The following LRP1B variants were observed in gnomAD, a reference collection of about 807,000 sequenced individuals.
LRP1B encodes the protein low-density lipoprotein receptor-related protein 1B.
LRP1B carries 217 observed loss-of-function variants against 556.6 expected under a neutral mutation model. The observed-to-expected ratio is 0.39, with a 90% confidence interval of 0.35 to 0.44. The LOEUF (loss-of-function observed/expected upper bound fraction) is 0.44, where lower values mean the gene tolerates loss of function less well. LRP1B is among the 20% of genes least tolerant of loss of function. LRP1B has a pLI of 1.00. For synonymous variants in LRP1B, 2,047 were observed against 1,865.8 expected, an observed-to-expected ratio of 1.10 and a Z score of -2.50; for missense variants, 5,053 against 5,620.8, an observed-to-expected ratio of 0.90 and a Z score of 3.23.
At chr2:141,265,242 C>T (rs555391431) in intron 3 of LRP1B, among the ~76,000 whole-genome samples, 4 of 152,320 alleles carry the variant, frequency 2.6e-5, no homozygotes, top group South Asian at 4.1e-4. Context: ...AGGACACACA[C>T]CCAGGGTGCC....
intron 21 of LRP1B, among the ~76,000 whole-genome samples, chr2:140,911,009 G>C (rs1694402514): frequency 6.6e-6 from 1 of 151,760 alleles, no homozygotes; most frequent in East Asian, 1.9e-4. Flanking sequence ...GGAAAGGAAA[G>C]TAACAATTTA....
intron 60 of LRP1B, among the ~76,000 whole-genome samples, chr2:140,466,322 C>T (rs1687547671): frequency 6.6e-6 from 1 of 152,064 alleles, no homozygotes; most frequent in African/African-American, 2.4e-5. Context: ...GATCTAGATT[C>T]CTTTTTCCAA....
chr2:140,809,145 TTTG>T (rs1690829203), intron 32 of LRP1B, among the ~76,000 whole-genome samples: 1 of 152,192 alleles, frequency 6.6e-6, no homozygotes, highest in South Asian at 2.1e-4. Flanking sequence ...TGTAGAGATT[TTTG>T]TTGTTGTTTT....
At chr2:140,762,436 CTGTGA>C (rs1013330375) in intron 35 of LRP1B, among the ~76,000 whole-genome samples, 2 of 152,078 alleles carry the variant, frequency 1.3e-5, no homozygotes, top group African/African-American at 4.8e-5. Context: ...AACTTTACTC[CTGTGA>C]TGTAGTAAGT....
chr2:140,712,091 C>T (rs1232403216), intron 37 of LRP1B, among the ~76,000 whole-genome samples: 2 of 152,108 alleles, frequency 1.3e-5, no homozygotes. Flanking sequence ...CTCACACAGA[C>T]AATTTTCTTT....
chr2:141,406,547 CATCTATCTATCTATCTATCTATCT>C (rs71982875), intron 3 of LRP1B, among the ~76,000 whole-genome samples: 4 of 149,206 alleles, frequency 2.7e-5, no homozygotes, highest in African/African-American at 9.9e-5. Context: ...ATCTATCTAT[CATCTATCTATCTATCTATCTATCT>C]ATCTATCTAT....
intron 2 of LRP1B, among the ~76,000 whole-genome samples, chr2:141,744,164 C>T (rs1693827441): frequency 6.6e-6 from 1 of 151,806 alleles, no homozygotes; most frequent in Non-Finnish European, 1.5e-5. Flanking sequence ...TCAGTGTATC[C>T]CATAGATTTT....
At chr2:140,922,832 A>G (rs1229128303) in intron 21 of LRP1B, 133 bp downstream of exon 21, 3 of 646,462 alleles carry the variant, frequency 4.6e-6, no homozygotes, top group African/African-American at 1.9e-5. Context: ...GTTAACTACT[A>G]TTATTATACA....
chr2:140,951,091 C>A (rs905559102), intron 19 of LRP1B, among the ~76,000 whole-genome samples: 3 of 152,028 alleles, frequency 2.0e-5, no homozygotes, highest in Non-Finnish European at 4.4e-5. Context: ...ATGATACAAC[C>A]AATAATATAA....
At chr2:141,159,299 T>A (rs1285439091) in intron 7 of LRP1B, among the ~76,000 whole-genome samples, 2 of 152,184 alleles carry the variant, frequency 1.3e-5, no homozygotes, top group Non-Finnish European at 2.9e-5. Context: ...AGGAAAGAAT[T>A]GGAAGGAAAA....
chr2:142,052,672 C>T (rs969665886), intron 1 of LRP1B, among the ~76,000 whole-genome samples: 1 of 151,996 alleles, frequency 6.6e-6, no homozygotes, highest in Admixed American at 6.6e-5. Context: ...ACTGTTTTTC[C>T]CTACCACTCT....
chr2:140,895,630 A>T (rs1359760849), intron 23 of LRP1B, among the ~76,000 whole-genome samples: 1 of 152,184 alleles, frequency 6.6e-6, no homozygotes, highest in Admixed American at 6.5e-5. Flanking sequence ...AACCCCCTGT[A>T]ACCTGAGCTC....
intron 2 of LRP1B, among the ~76,000 whole-genome samples, chr2:141,778,700 C>T (rs1415638682): frequency 6.6e-6 from 1 of 152,178 alleles, no homozygotes; most frequent in African/African-American, 2.4e-5. Context: ...TGCAGACACA[C>T]ATTATTTTGC....
chr2:141,169,659 A>G (rs1012762682), intron 7 of LRP1B, among the ~76,000 whole-genome samples: 1 of 152,034 alleles, frequency 6.6e-6, no homozygotes, highest in Non-Finnish European at 1.5e-5. Context: ...AGACTTCATC[A>G]CTTAATGTAT....
At chr2:141,325,993 C>A (rs1231868615) in intron 3 of LRP1B, among the ~76,000 whole-genome samples, 2 of 151,906 alleles carry the variant, frequency 1.3e-5, no homozygotes, top group Admixed American at 6.6e-5. Flanking sequence ...ATAAATAATC[C>A]TATTGCAAGG....
rs191935269 is a variant in LRP1B at position 142,100,866 on chromosome 2, C to A, written c.82+29782G>T. ...TTCTTCTTTTAAGGGCTCCTTGTCC[C>A]CACACACGTTTCCCCTTCCTTTTGC... is the stretch of plus-strand genomic sequence containing the variant. On this transcript the variant is annotated intron_variant, in intron 1 of 90. Transcript: ENST00000389484. Among the ~76,000 whole-genome samples, 406 of 151,954 alleles carry A rather than the reference C, an allele frequency of 2.7e-3. 2 individuals are homozygous for A. Among genetic ancestry groups the A allele is most frequent in the Middle Eastern group, 6.8e-3 (2 of 294 alleles).
At chr2:141,843,234 G>A (rs1357685042) in intron 1 of LRP1B, among the ~76,000 whole-genome samples, 2 of 152,084 alleles carry the variant, frequency 1.3e-5, no homozygotes, top group Non-Finnish European at 2.9e-5. Context: ...TGGCAAAGCT[G>A]GAGCAGTAAT....
intron 66 of LRP1B, among the ~76,000 whole-genome samples, chr2:140,399,176 CA>C (rs1684386395): frequency 2.0e-5 from 3 of 151,716 alleles, no homozygotes; most frequent in Non-Finnish European, 4.4e-5. Context: ...CACACACACA[CA>C]CACACACACA....
chr2:141,879,165 T>C (rs1308686048), intron 1 of LRP1B, among the ~76,000 whole-genome samples: 1 of 151,880 alleles, frequency 6.6e-6, no homozygotes, highest in African/African-American at 2.4e-5. Flanking sequence ...TACTTGTAAG[T>C]ATTCCTTATA....
Sources: gnomAD v4.1 joint callset for allele counts (sites outside exome capture counted in the v4.1 genomes callset) on GRCh38, gnomAD v4.1.1 for gene constraint, MANE v1.5 for transcripts, NCBI Gene and HGNC (gene_info 2026-07-23, HGNC 2026-07-21) for gene names.